Variants in PRKN observed in about 807,000 individuals in gnomAD.
PRKN encodes the protein parkin RBR E3 ubiquitin protein ligase, also known as E3 ubiquitin-protein ligase parkin.
A neutral mutation model predicts 59.5 loss-of-function variants in PRKN; 56 were observed. The ratio of observed to expected loss-of-function variants is 0.94; its 90% CI spans 0.76 to 1.18. The LOEUF (loss-of-function observed/expected upper bound fraction) is 1.18. Among genes scored for constraint, PRKN ranks in the 50% most tolerant of loss-of-function variants. PRKN has a pLI of 0.00. For synonymous variants in PRKN, 250 were observed against 222.1 expected (o/e 1.13, Z -1.12); for missense variants, 657 against 596.4 (o/e 1.10, Z -1.06).
intron 4 of PRKN, among the ~76,000 whole-genome samples, chr6:162,148,709 A>G (rs1385682753): frequency 6.6e-6 from 1 of 152,166 alleles, no homozygotes; most frequent in East Asian, 1.9e-4. Flanking sequence ...TATGAAATAT[A>G]TTTTTAGTCT....
rs935219456 is a variant in PRKN at position 161,397,912 on chromosome 6, C to T, written c.1084-11035G>A. 6.6e-6 allele frequency among the ~76,000 whole-genome samples: 1 copy of T among 152,094 alleles called. No homozygotes were observed. Among genetic ancestry groups the T allele is most frequent in the African/African-American group, 2.4e-5 (1 of 41,386 alleles). On this transcript the variant is annotated intron_variant, in intron 9 of 11. Transcript: ENST00000366898. This position sits in a 1 kb window ranked among gnomAD's most constrained non-coding sequence, Gnocchi z 4.2. ...CAGCTAGATTCAGAGGCTAAGATCA[C>T]AGGCATGATGGGGTGGAAAAGGCTT... is the stretch of plus-strand genomic sequence containing the variant.
intron 1 of PRKN, among the ~76,000 whole-genome samples, chr6:162,634,265 T>G (rs1459976683): frequency 6.6e-6 from 1 of 152,036 alleles, no homozygotes; most frequent in Non-Finnish European, 1.5e-5. Context: ...TGGTAAATGT[T>G]TTTGGCTCTG....
chr6:162,370,557 G>C (rs1785709663), intron 2 of PRKN, among the ~76,000 whole-genome samples: 1 of 152,070 alleles, frequency 6.6e-6, no homozygotes, highest in African/African-American at 2.4e-5. Context: ...ACTTTAATTG[G>C]AGGGGTGGGA....
In PRKN at chr6:161,530,477, T is replaced by C. The variant is rs1318429038; in HGVS notation, c.1083+18377A>G. ...CAGGAATTGGAGCAGCCTCATTCCG[T>C]GTCGAAGAAGACCTATACGGCTTGC... On this transcript the variant is annotated intron_variant, in intron 9 of 11. Transcript: ENST00000366898. The surrounding 1 kb of genome is among the most constrained non-coding windows in gnomAD (Gnocchi z 5.0). 6.6e-6 allele frequency among the ~76,000 whole-genome samples: 1 copy of C among 152,140 alleles called. No individual in the cohort carries two copies. The highest frequency in any genetic ancestry group is 2.4e-5 in the African/African-American group (1 of 41,430).
chr6:162,651,923 T>A (rs1778454190), intron 1 of PRKN, among the ~76,000 whole-genome samples: 1 of 152,232 alleles, frequency 6.6e-6, no homozygotes, highest in South Asian at 2.1e-4. Context: ...TAAAATTTCA[T>A]ATGCATAATG....
Position 162,133,888 on chromosome 6 carries a change from T to C in PRKN, c.534+67243A>G, listed in dbSNP as rs191079540. 3.9e-4 allele frequency among the ~76,000 whole-genome samples: 60 copies of C among 152,020 alleles called. 1 individual carries two copies. In the East Asian group the frequency reaches 9.1e-3, roughly 23 times the overall value. On this transcript the variant is annotated intron_variant, in intron 4 of 11. Coordinates refer to ENST00000366898, the MANE Select transcript of PRKN (RefSeq NM_004562.3). The stretch of plus-strand genomic sequence containing the variant: ...GGAAATGACAGGCTAGAGTGGGAGG[T>C]GAGCATGGAGAGATGCTGAGCCTAG...
At chr6:162,316,141 G>A (rs1175287211) in intron 2 of PRKN, among the ~76,000 whole-genome samples, 2 of 151,928 alleles carry the variant, frequency 1.3e-5, no homozygotes, top group African/African-American at 2.4e-5. Flanking sequence ...GGGAAATCAA[G>A]AGGAGCAGTG....
chr6:162,109,189 G>T (rs1433738853), intron 4 of PRKN, among the ~76,000 whole-genome samples: 7 of 152,206 alleles, frequency 4.6e-5, no homozygotes, highest in South Asian at 4.1e-4. Flanking sequence ...ATGGAAAGCT[G>T]CTTCCAGCCC....
intron 7 of PRKN, among the ~76,000 whole-genome samples, chr6:161,601,814 C>A (rs2128143636): frequency 6.6e-6 from 1 of 152,214 alleles, no homozygotes; most frequent in East Asian, 1.9e-4. Context: ...GATCTCCTGA[C>A]CTCGTGATCC....
chr6:161,534,649 G>A (rs540780980), intron 9 of PRKN, among the ~76,000 whole-genome samples: 1 of 152,360 alleles, frequency 6.6e-6, no homozygotes, highest in African/African-American at 2.4e-5. Context: ...GCATAGACAT[G>A]TCTTGTCTTC....
At chr6:162,303,659 A>G (rs1279942632) in intron 2 of PRKN, among the ~76,000 whole-genome samples, 3 of 152,342 alleles carry the variant, frequency 2.0e-5, no homozygotes, top group African/African-American at 7.2e-5. Flanking sequence ...ATCAAATTAT[A>G]CTGGTCAAAA....
At chr6:161,971,540 G>T (rs1049686343) in intron 6 of PRKN, among the ~76,000 whole-genome samples, 2 of 152,152 alleles carry the variant, frequency 1.3e-5, no homozygotes, top group African/African-American at 4.8e-5. Flanking sequence ...TGTTCTTCTT[G>T]CATGTTGAAA....
At chr6:162,724,369 T>A (rs189858550) in intron 1 of PRKN, among the ~76,000 whole-genome samples, 1 of 152,270 alleles carries the variant, frequency 6.6e-6, no homozygotes, top group African/African-American at 2.4e-5. Context: ...GTGGGAAATG[T>A]AAGTACTTTT....
At chr6:162,673,861 G>A (rs1157255731) in intron 1 of PRKN, among the ~76,000 whole-genome samples, 2 of 152,162 alleles carry the variant, frequency 1.3e-5, no homozygotes, top group Non-Finnish European at 2.9e-5. Context: ...GCGGAAGGCG[G>A]CAGTGTTTAA....
In PRKN at chr6:161,476,187, A is replaced by G. The variant is rs1447966426; in HGVS notation, c.1083+72667T>C. On this transcript the variant is annotated intron_variant, in intron 9 of 11. Transcript: ENST00000366898. ...GGGCGACAGAGTGAGACTCTGTCTC[A>G]GGAAAAAAAAAAAAATTATTCAAGA... is the stretch of plus-strand genomic sequence containing the variant. Among the ~76,000 whole-genome samples, 3 of 138,106 alleles carry G rather than the reference A, an allele frequency of 2.2e-5. No individual in the cohort carries two copies. The East Asian group carries it at 6.1e-4, about 28-fold the overall frequency. The allele number at this position is 138,106 out of a possible 152,430, so 90.6% of individuals were successfully genotyped here.
chr6:162,302,099 G>A (rs959056000), intron 2 of PRKN, among the ~76,000 whole-genome samples: 2 of 152,000 alleles, frequency 1.3e-5, no homozygotes, highest in African/African-American at 2.4e-5. Flanking sequence ...TTCTCCAGCC[G>A]ATAAGCAAGT....
In PRKN at chr6:161,889,444, G is replaced by C. The variant is rs149744205; in HGVS notation, c.734+83858C>G. 2.6e-3 allele frequency among the ~76,000 whole-genome samples: 392 copies of C among 152,310 alleles called. 1 individual carries two copies. The highest frequency in any genetic ancestry group is 0.014 in the South Asian group (68 of 4,824). ...AGCAACAGAGAGGGATGAACAACGG[G>C]CGCACAGCATCTCAAAGGCATTGCC... is the stretch of plus-strand genomic sequence containing the variant. On this transcript the variant is annotated intron_variant, in intron 6 of 11. Coordinates refer to ENST00000366898, the MANE Select transcript of PRKN (RefSeq NM_004562.3).
chr6:161,777,638 G>T (rs552844688), intron 7 of PRKN, among the ~76,000 whole-genome samples: 1 of 141,778 alleles, frequency 7.1e-6, no homozygotes, highest in Non-Finnish European at 1.5e-5. Flanking sequence ...CTAACTCTAC[G>T]GATATTCTCA....
chr6:161,939,423 A>C (rs1779473898), intron 6 of PRKN, among the ~76,000 whole-genome samples: 1 of 148,996 alleles, frequency 6.7e-6, no homozygotes, highest in Non-Finnish European at 1.5e-5. Context: ...TGTCTCAAAA[A>C]AAAAAAAAAA....
Sources: gnomAD v4.1 joint callset for allele counts (sites outside exome capture counted in the v4.1 genomes callset) on GRCh38, gnomAD v4.1.1 for gene constraint, Gnocchi (gnomAD v3.1) non-coding constraint, MANE v1.5 for transcripts, NCBI Gene and HGNC (gene_info 2026-07-23, HGNC 2026-07-21) for gene names.